Variants in NPAS3 observed in about 807,000 individuals in gnomAD.
NPAS3 encodes neuronal PAS domain-containing protein 3.
In NPAS3, 14 loss-of-function variants were observed where a neutral mutation model predicts 73.1. The observed-to-expected ratio is 0.19, with a 90% confidence interval of 0.13 to 0.30. The LOEUF is 0.30. Ranked by LOEUF, NPAS3 falls within the 10% of genes least tolerant of loss-of-function variation. The probability of loss-of-function intolerance (pLI) is 1.00; values close to 1 mark genes in which losing one functional copy is unlikely to be tolerated. For missense variants in NPAS3, 1,096 were observed against 1,250.0 expected, an observed-to-expected ratio of 0.88 and a Z score of 1.86; for synonymous variants, 620 against 541.5, an observed-to-expected ratio of 1.14 and a Z score of -2.01.
At chr14:33,126,822 C>G (rs1376842769) in intron 2 of NPAS3, among the ~76,000 whole-genome samples, 1 of 152,090 alleles carries the variant, frequency 6.6e-6, no homozygotes, top group Non-Finnish European at 1.5e-5. Flanking sequence ...TTGTTCCCAA[C>G]CTCAGAGAAG....
intron 4 of NPAS3, among the ~76,000 whole-genome samples, chr14:33,374,579 A>G (rs2046236838): frequency 6.6e-6 from 1 of 152,022 alleles, no homozygotes; most frequent in Admixed American, 6.6e-5. Context: ...ATTGCTAGCT[A>G]CAGCATCTCT....
chr14:33,353,897 T>C (rs745435228), intron 3 of NPAS3, among the ~76,000 whole-genome samples: 5 of 152,306 alleles, frequency 3.3e-5, no homozygotes, highest in Admixed American at 6.5e-5. Flanking sequence ...ATTCTAGTTC[T>C]GGATGTGGAT....
intron 3 of NPAS3, among the ~76,000 whole-genome samples, chr14:33,334,582 T>G (rs2044130848): frequency 2.0e-5 from 3 of 152,196 alleles, no homozygotes; most frequent in Admixed American, 1.3e-4. Flanking sequence ...AGTAGTCTTA[T>G]TTAACCAGGT....
At chr14:33,269,094 A>T (rs1420302652) in intron 3 of NPAS3, among the ~76,000 whole-genome samples, 9 of 152,324 alleles carry the variant, frequency 5.9e-5, no homozygotes, top group South Asian at 2.1e-4. Flanking sequence ...ACTTTGATAC[A>T]TAGTCGCCTA....
At chr14:32,952,128 A>G (rs1437508251) in intron 1 of NPAS3, among the ~76,000 whole-genome samples, 1 of 152,062 alleles carries the variant, frequency 6.6e-6, no homozygotes, top group African/African-American at 2.4e-5. Flanking sequence ...ATGTAGATTA[A>G]GAGTATTTCA....
At chr14:33,540,810 T>A (rs897419735) in intron 4 of NPAS3, among the ~76,000 whole-genome samples, 3 of 151,948 alleles carry the variant, frequency 2.0e-5, no homozygotes, top group South Asian at 2.1e-4. Context: ...AAAAGTAAAA[T>A]GATGAGACTG....
chr14:33,019,324 A>AT (rs1179256005), intron 1 of NPAS3, among the ~76,000 whole-genome samples: 2 of 152,212 alleles, frequency 1.3e-5, no homozygotes, highest in East Asian at 3.8e-4. Context: ...TTGCCAAATA[A>AT]TTTTCCATTG....
At chr14:33,454,277 A>T (rs931983300) in intron 4 of NPAS3, among the ~76,000 whole-genome samples, 3 of 152,258 alleles carry the variant, frequency 2.0e-5, no homozygotes, top group Admixed American at 6.5e-5. Context: ...GGAATGCATG[A>T]TTATTTTAAA....
intron 2 of NPAS3, among the ~76,000 whole-genome samples, chr14:33,125,391 TA>T (rs540345252): frequency 3.8e-4 from 58 of 152,214 alleles, no homozygotes; most frequent in Non-Finnish European, 6.9e-4. Flanking sequence ...TGATGGGAGA[TA>T]TTTTCTCAGA....
chr14:33,516,997 C>T (rs951945704), intron 4 of NPAS3, among the ~76,000 whole-genome samples: 1 of 152,022 alleles, frequency 6.6e-6, no homozygotes. Flanking sequence ...TCTACTGAGG[C>T]AGATGAACAG....
At chr14:33,095,655 T>A (rs989347100) in intron 2 of NPAS3, among the ~76,000 whole-genome samples, 11 of 136,978 alleles carry the variant, frequency 8.0e-5, no homozygotes, top group Non-Finnish European at 1.4e-4. Context: ...GGGCATTCTC[T>A]GCTTTTATTT....
chr14:33,076,802 C>G (rs964560049), intron 2 of NPAS3, among the ~76,000 whole-genome samples: 3 of 152,150 alleles, frequency 2.0e-5, no homozygotes, highest in Admixed American at 2.0e-4. Context: ...TGTGTTAGTA[C>G]AAAAAAGTAT....
chr14:33,065,041 G>A (rs766640211), intron 2 of NPAS3, among the ~76,000 whole-genome samples: 34 of 152,108 alleles, frequency 2.2e-4, no homozygotes, highest in Non-Finnish European at 4.9e-4. Context: ...TCCTGGTGTT[G>A]AAATTCAGGA....
chr14:33,164,847 T>A (rs1397755465), intron 2 of NPAS3, among the ~76,000 whole-genome samples: 2 of 151,988 alleles, frequency 1.3e-5, no homozygotes, highest in Non-Finnish European at 2.9e-5. Context: ...CTCTTTTTTT[T>A]TTTTTTTCCT....
At position 33,733,597 on chromosome 14, in the gene NPAS3, T is replaced by C. The variant is rs141640672; in HGVS notation, c.734-1617T>C. On this transcript the variant is annotated intron_variant, in intron 6 of 11. Coordinates refer to ENST00000356141, the Ensembl canonical transcript of NPAS3. ...CTTAGAGCAGAAGTTTGTGCTTATA[T>C]AGTGTATTAAAAAGCTGTTGGCGTA... Among the ~76,000 whole-genome samples, 53 of 152,338 alleles carry C rather than the reference T, an allele frequency of 3.5e-4. No homozygotes were observed. The East Asian group carries it at 8.3e-3, about 24-fold the overall frequency.
At chr14:33,327,184 T>C (rs1247445220) in intron 3 of NPAS3, among the ~76,000 whole-genome samples, 3 of 152,220 alleles carry the variant, frequency 2.0e-5, no homozygotes, top group Non-Finnish European at 4.4e-5. Context: ...ACTCAAATGT[T>C]TGAAAGGCTT....
At chr14:33,572,234 A>C (rs193010182) in intron 5 of NPAS3, among the ~76,000 whole-genome samples, 2 of 152,290 alleles carry the variant, frequency 1.3e-5, no homozygotes, top group South Asian at 4.1e-4. Context: ...GAGGTATTTC[A>C]ATCATTCTGT....
At chr14:33,426,661 A>T (rs1275880984) in intron 4 of NPAS3, among the ~76,000 whole-genome samples, 3 of 151,910 alleles carry the variant, frequency 2.0e-5, no homozygotes, top group African/African-American at 7.2e-5. Context: ...GAGGAGGGAG[A>T]GTGCAGATGG....
At chr14:33,173,514 C>A (rs1435170940) in intron 2 of NPAS3, among the ~76,000 whole-genome samples, 1 of 151,780 alleles carries the variant, frequency 6.6e-6, no homozygotes, top group East Asian at 1.9e-4. Context: ...TTAAAAAAAA[C>A]TACAAAAACT....
Sources: gnomAD v4.1 joint callset for allele counts (sites outside exome capture counted in the v4.1 genomes callset) on GRCh38, gnomAD v4.1.1 for gene constraint, MANE v1.5 for transcripts, NCBI Gene and HGNC (gene_info 2026-07-23, HGNC 2026-07-21) for gene names.